The following SLC24A2 variants were observed in gnomAD, a reference collection of about 807,000 sequenced individuals.
SLC24A2 encodes the protein solute carrier family 24 member 2.
SLC24A2 carries 36 observed loss-of-function variants against 62.0 expected under a neutral mutation model. The ratio of observed to expected loss-of-function variants is 0.58; its 90% CI spans 0.44 to 0.77. The LOEUF is 0.77. Among genes scored for constraint, SLC24A2 ranks in the 30% least tolerant of loss-of-function variants. The pLI is 0.00. For missense variants in SLC24A2, 846 were observed against 817.9 expected (o/e 1.03, Z -0.42); for synonymous variants, 358 against 294.0 (o/e 1.22, Z -2.23).
intron 2 of SLC24A2, among the ~76,000 whole-genome samples, chr9:19,745,945 T>C (rs1489057208): frequency 1.3e-5 from 2 of 152,188 alleles, no homozygotes; most frequent in African/African-American, 4.8e-5. Context: ...CCTTTCTTTC[T>C]GTGTTTTAGA....
the SLC24A2 span, among the ~76,000 whole-genome samples, chr9:19,919,340 G>A: frequency 6.6e-6 from 1 of 152,138 alleles, no homozygotes; most frequent in Non-Finnish European, 1.5e-5. Flanking sequence ...GCTTTCGGAG[G>A]TGATGGCAAT....
chr9:19,517,103 T>G (rs1463442149), intron 10 of SLC24A2, among the ~76,000 whole-genome samples: 1 of 152,202 alleles, frequency 6.6e-6, no homozygotes, highest in African/African-American at 2.4e-5. Context: ...TTTTAAAATC[T>G]GAGGATCTCT....
chr9:19,836,007 AAAG>A, the SLC24A2 span, among the ~76,000 whole-genome samples: 1 of 152,208 alleles, frequency 6.6e-6, no homozygotes, highest in Non-Finnish European at 1.5e-5. Flanking sequence ...AGGCAGAAAT[AAAG>A]AAGTTCTTTG....
chr9:19,671,731 C>G (rs905870780), intron 2 of SLC24A2, among the ~76,000 whole-genome samples: 1 of 152,140 alleles, frequency 6.6e-6, no homozygotes, highest in Non-Finnish European at 1.5e-5. Context: ...TACGTCCCTT[C>G]TATGCCGATT....
the SLC24A2 span, among the ~76,000 whole-genome samples, chr9:20,284,092 C>CA: frequency 6.6e-4 from 100 of 152,220 alleles, no homozygotes; most frequent in African/African-American, 2.3e-3. Flanking sequence ...TCTATAGAGG[C>CA]AATGCGATAA....
chr9:20,233,249 G>C, the SLC24A2 span, among the ~76,000 whole-genome samples: 1 of 152,104 alleles, frequency 6.6e-6, no homozygotes, highest in Non-Finnish European at 1.5e-5. Context: ...GGTCTGCTTG[G>C]TGCAGAGCTG....
chr9:19,817,378 A>G, the SLC24A2 span, among the ~76,000 whole-genome samples: 1 of 151,990 alleles, frequency 6.6e-6, no homozygotes, highest in African/African-American at 2.4e-5. Flanking sequence ...AAAAGAACCA[A>G]TCAAAAGTGG....
At chr9:19,809,225 A>AT in the SLC24A2 span, among the ~76,000 whole-genome samples, 1 of 152,144 alleles carries the variant, frequency 6.6e-6, no homozygotes, top group African/African-American at 2.4e-5. Context: ...ATATCTATGT[A>AT]TTTTTTAAAA....
the SLC24A2 span, among the ~76,000 whole-genome samples, chr9:20,093,903 T>G: frequency 6.6e-6 from 1 of 152,226 alleles, no homozygotes; most frequent in Non-Finnish European, 1.5e-5. Flanking sequence ...ATTACCTGTT[T>G]GTATCTCATG....
chr9:19,887,530 TAATAAAAA>T, the SLC24A2 span, among the ~76,000 whole-genome samples: 11 of 152,106 alleles, frequency 7.2e-5, no homozygotes, highest in Middle Eastern at 3.4e-3. Flanking sequence ...AGAATGGCTG[TAATAAAAA>T]AATAAAAAAA....
the SLC24A2 span, among the ~76,000 whole-genome samples, chr9:19,857,254 A>G: frequency 2.6e-5 from 4 of 152,162 alleles, no homozygotes; most frequent in African/African-American, 7.2e-5. Flanking sequence ...CCATTATTAC[A>G]TCTCCTATTA....
the SLC24A2 span, among the ~76,000 whole-genome samples, chr9:20,093,076 T>G: frequency 6.6e-6 from 1 of 151,906 alleles, no homozygotes; most frequent in Non-Finnish European, 1.5e-5. Flanking sequence ...TTTGTTCTGT[T>G]TTTTGTTTTT....
chr9:19,927,362 G>A, the SLC24A2 span: 1 of 152,206 alleles, frequency 6.6e-6, no homozygotes, highest in Non-Finnish European at 1.5e-5. Context: ...GCTAAGCCTA[G>A]TTTCCTCCTC....
At chr9:20,263,711 C>T in the SLC24A2 span, among the ~76,000 whole-genome samples, 1 of 152,128 alleles carries the variant, frequency 6.6e-6, no homozygotes, top group African/African-American at 2.4e-5. Context: ...TAGTAGCTAG[C>T]ACTAACTTTA....
At chr9:19,884,325 T>A in the SLC24A2 span, among the ~76,000 whole-genome samples, 1 of 152,200 alleles carries the variant, frequency 6.6e-6, no homozygotes, top group Non-Finnish European at 1.5e-5. Flanking sequence ...TGCCTGCTAA[T>A]CAATACTGCT....
chr9:20,067,421 T>C, the SLC24A2 span, among the ~76,000 whole-genome samples: 1 of 152,122 alleles, frequency 6.6e-6, no homozygotes, highest in Non-Finnish European at 1.5e-5. Flanking sequence ...GATTTTTAAA[T>C]TTTTTTCAAC....
At chr9:19,914,394 A>T in the SLC24A2 span, among the ~76,000 whole-genome samples, 1 of 152,010 alleles carries the variant, frequency 6.6e-6, no homozygotes, top group Non-Finnish European at 1.5e-5. Context: ...AAAAGACCCT[A>T]CTTGATCTGG....
chr9:20,273,259 G>C, the SLC24A2 span, among the ~76,000 whole-genome samples: 8 of 152,256 alleles, frequency 5.3e-5, no homozygotes, highest in Non-Finnish European at 1.0e-4. Flanking sequence ...AGCCATAAAA[G>C]AATTTTCTGA....
chr9:19,896,312 T>C, the SLC24A2 span, among the ~76,000 whole-genome samples: 2 of 152,226 alleles, frequency 1.3e-5, no homozygotes, highest in African/African-American at 2.4e-5. Flanking sequence ...TGAGTACATA[T>C]GAAATGTGAA....
Sources: gnomAD v4.1 joint callset for allele counts (sites outside exome capture counted in the v4.1 genomes callset) on GRCh38, gnomAD v4.1.1 for gene constraint, MANE v1.5 for transcripts, NCBI Gene and HGNC (gene_info 2026-07-23, HGNC 2026-07-21) for gene names.